Variants in TENM1 observed in about 807,000 individuals in gnomAD.
TENM1 encodes teneurin-1.
TENM1 carries 35 observed loss-of-function variants against 174.8 expected under a neutral mutation model. The ratio of observed to expected loss-of-function variants is 0.20; its 90% CI spans 0.15 to 0.27. The LOEUF is 0.27. Ranked by LOEUF, TENM1 falls within the 10% of genes least tolerant of loss-of-function variation. TENM1 has a pLI of 1.00. For synonymous variants in TENM1, 781 were observed against 798.7 expected (o/e 0.98, Z 0.37); for missense variants, 1,633 against 2,130.1 (o/e 0.77, Z 4.59).
At chrX:124,425,334 T>A (rs1038185077) in intron 23 of TENM1, among the ~76,000 whole-genome samples, 2 of 111,340 alleles carry the variant, frequency 1.8e-5, no homozygotes, top group Non-Finnish European at 3.8e-5. Context: ...CTCACCAGCA[T>A]TTTTTTTTGT....
the TENM1 span, among the ~76,000 whole-genome samples, chrX:125,065,123 G>A: frequency 5.4e-5 from 6 of 111,791 alleles, no homozygotes; most frequent in African/African-American, 1.9e-4. Context: ...GACAAAGCAC[G>A]ATCAAAGCAA....
the TENM1 span, among the ~76,000 whole-genome samples, chrX:125,160,006 C>T: frequency 1.8e-5 from 2 of 109,489 alleles, no homozygotes; most frequent in African/African-American, 6.7e-5. Context: ...TCAAGACTAG[C>T]CTGGTCAATA....
intron 3 of TENM1, among the ~76,000 whole-genome samples, chrX:124,852,780 T>C (rs773400685): frequency 9.0e-6 from 1 of 111,688 alleles, no homozygotes; most frequent in Non-Finnish European, 1.9e-5. Context: ...CGAGGACAGA[T>C]ATCTGGTGAA....
At chrX:125,174,113 T>C in the TENM1 span, among the ~76,000 whole-genome samples, 14,833 of 110,567 alleles carry the variant, frequency 0.13, 761 homozygotes, top group East Asian at 0.18. Context: ...AACTGGGAAG[T>C]TGGACAGGGG....
intron 11 of TENM1, among the ~76,000 whole-genome samples, chrX:124,590,826 T>TG (rs895841648): frequency 1.2e-4 from 14 of 112,033 alleles, no homozygotes; most frequent in African/African-American, 4.2e-4. Flanking sequence ...ATGTTGTCAG[T>TG]GGGGTGTTGA....
intron 11 of TENM1, among the ~76,000 whole-genome samples, chrX:124,597,832 T>C (rs191191218): frequency 9.0e-6 from 1 of 111,512 alleles, no homozygotes; most frequent in East Asian, 2.8e-4. Flanking sequence ...AAAAAGTTGT[T>C]GAATAATACC....
chrX:124,697,707 A>G (rs1401371963), intron 5 of TENM1, among the ~76,000 whole-genome samples: 3 of 111,709 alleles, frequency 2.7e-5, no homozygotes, highest in Admixed American at 1.9e-4. Context: ...ACATTTTAAC[A>G]TAAATGACAC....
At chrX:125,122,323 A>G in the TENM1 span, among the ~76,000 whole-genome samples, 1 of 111,512 alleles carries the variant, frequency 9.0e-6, no homozygotes, top group Non-Finnish European at 1.9e-5. Context: ...ACCCATATCA[A>G]AATGCTTTAC....
intron 22 of TENM1, among the ~76,000 whole-genome samples, chrX:124,463,729 G>A (rs1264445943): frequency 9.0e-6 from 1 of 110,805 alleles, no homozygotes; most frequent in Non-Finnish European, 1.9e-5. Context: ...CGTGCAACTC[G>A]CTAAGGAAGA....
chrX:124,987,813 C>T, the TENM1 span, among the ~76,000 whole-genome samples: 1 of 107,927 alleles, frequency 9.3e-6, no homozygotes, highest in Non-Finnish European at 1.9e-5. Context: ...TTTTATGCTT[C>T]TTAGCTACTT....
intron 11 of TENM1, among the ~76,000 whole-genome samples, chrX:124,581,251 G>A (rs1387225996): frequency 9.2e-6 from 1 of 109,268 alleles, no homozygotes. Flanking sequence ...ATTTTTAGTA[G>A]AGACAGGGTT....
At chrX:124,554,056 C>T (rs1242251702) in intron 14 of TENM1, among the ~76,000 whole-genome samples, 1 of 111,385 alleles carries the variant, frequency 9.0e-6, no homozygotes, top group Non-Finnish European at 1.9e-5. Context: ...TTGCAGTGAG[C>T]CGAGATTGCA....
chrX:124,718,424 C>T (rs2053236712), intron 4 of TENM1, among the ~76,000 whole-genome samples: 1 of 111,876 alleles, frequency 8.9e-6, no homozygotes, highest in Non-Finnish European at 1.9e-5. Context: ...TTATGCATTA[C>T]CAGAAAACAA....
chrX:124,647,008 G>C (rs747837633), intron 8 of TENM1, among the ~76,000 whole-genome samples, 198 bp from the exon 12 acceptor site: 3 of 110,732 alleles, frequency 2.7e-5, no homozygotes, highest in Admixed American at 9.7e-5. Flanking sequence ...AAAGGGCCCT[G>C]GGTTTGCTGA....
chrX:124,523,705 G>A lies in TENM1; in HGVS notation c.2772-80C>T, dbSNP rs987307401. 8.9e-6 allele frequency: 9 copies of A among 1,014,865 alleles called. No individual in the cohort carries two copies. In the African/African-American group the frequency reaches 1.7e-4, roughly 20 times the overall value. 83.6% of individuals were successfully genotyped at this position (1,014,865 alleles called of 1,213,427 possible). Reference sequence around the variant, plus strand: ...AGTTAAAAAATAGGTTAATTTCAGTGCCCTTTCCTTTTTGGGGGGACTCAA... The same window carrying A: ...AGTTAAAAAATAGGTTAATTTCAGTACCCTTTCCTTTTTGGGGGGACTCAA... On this transcript the variant is annotated intron_variant, in intron 16 of 31. Coordinates refer to ENST00000422452, the Ensembl canonical transcript of TENM1.
At chrX:124,444,670 A>G (rs964880984) in intron 23 of TENM1, among the ~76,000 whole-genome samples, 1 of 110,907 alleles carries the variant, frequency 9.0e-6, no homozygotes, top group Admixed American at 9.6e-5. Flanking sequence ...TCAATGGGCA[A>G]AAGGAAAAGA....
At chrX:125,121,294 C>A in the TENM1 span, among the ~76,000 whole-genome samples, 1 of 111,173 alleles carries the variant, frequency 9.0e-6, no homozygotes, top group Non-Finnish European at 1.9e-5. Context: ...GGATAAGGCA[C>A]CATGTGGCAT....
intron 14 of TENM1, among the ~76,000 whole-genome samples, chrX:124,560,904 T>C (rs952362810): frequency 2.7e-5 from 3 of 111,188 alleles, no homozygotes; most frequent in African/African-American, 9.8e-5. Context: ...CACTCAGAGG[T>C]GGTTTGGGCA....
chrX:124,675,760 A>C (rs1240021705), intron 5 of TENM1, among the ~76,000 whole-genome samples: 1 of 110,356 alleles, frequency 9.1e-6, no homozygotes, highest in Non-Finnish European at 1.9e-5. Context: ...ACAAACCAAA[A>C]AACAAAAAAC....
Sources: gnomAD v4.1 joint callset for allele counts (sites outside exome capture counted in the v4.1 genomes callset) on GRCh38, gnomAD v4.1.1 for gene constraint, MANE v1.5 for transcripts, NCBI Gene and HGNC (gene_info 2026-07-23, HGNC 2026-07-21) for gene names.